CNTN3: variants seen among roughly 807,000 people sequenced by gnomAD.
CNTN3 encodes contactin-3.
CNTN3 carries 60 observed loss-of-function variants against 119.1 expected under a neutral mutation model. The ratio of observed to expected loss-of-function variants is 0.50; its 90% CI spans 0.41 to 0.62. CNTN3 has a LOEUF of 0.62. CNTN3 is among the 20% of genes least tolerant of loss of function. CNTN3 has a pLI of 0.00. For synonymous variants in CNTN3, 450 were observed against 438.7 expected (o/e 1.03, Z -0.32); for missense variants, 1,101 against 1,242.4 (o/e 0.89, Z 1.71).
At chr3:74,562,947 T>C (rs1049946566) in intron 1 of CNTN3, among the ~76,000 whole-genome samples, 2 of 152,190 alleles carry the variant, frequency 1.3e-5, no homozygotes, top group African/African-American at 4.8e-5. Context: ...TAGGCAGCCC[T>C]GGCATGCGAA....
intron 1 of CNTN3, among the ~76,000 whole-genome samples, chr3:74,568,737 T>C (rs958751369): frequency 6.6e-6 from 1 of 152,284 alleles, no homozygotes; most frequent in East Asian, 1.9e-4. Flanking sequence ...CAGTAATACA[T>C]AGGTGATAAA....
At chr3:74,310,214 A>C (rs1702649733) in intron 13 of CNTN3, among the ~76,000 whole-genome samples, 1 of 152,210 alleles carries the variant, frequency 6.6e-6, no homozygotes, top group South Asian at 2.1e-4. Flanking sequence ...GAGAAAAAAA[A>C]CATACTGATA....
At chr3:74,573,970 A>G (rs188097642) in intron 1 of CNTN3, among the ~76,000 whole-genome samples, 1 of 152,290 alleles carries the variant, frequency 6.6e-6, no homozygotes, top group East Asian at 1.9e-4. Flanking sequence ...AAAACTGAAA[A>G]TACATATTTA....
intron 1 of CNTN3, among the ~76,000 whole-genome samples, chr3:74,558,495 A>T (rs17012606): frequency 0.071 from 10,819 of 152,262 alleles, 415 homozygotes; most frequent in Admixed American, 0.094. Context: ...CTTGCTGAAT[A>T]CTTTTAAAGA....
intron 1 of CNTN3, among the ~76,000 whole-genome samples, chr3:74,548,640 C>T (rs1703947161): frequency 6.6e-6 from 1 of 152,012 alleles, no homozygotes; most frequent in African/African-American, 2.4e-5. Context: ...TGAAAACTGA[C>T]TTTAAGTGGA....
intron 2 of CNTN3, among the ~76,000 whole-genome samples, chr3:74,505,060 T>C (rs1473205763): frequency 1.3e-5 from 2 of 152,082 alleles, no homozygotes; most frequent in African/African-American, 2.4e-5. Flanking sequence ...TCTCTCTTCA[T>C]ATCATCTTCC....
intron 5 of CNTN3, among the ~76,000 whole-genome samples, chr3:74,423,607 A>T (rs1474861629): frequency 6.6e-6 from 1 of 152,210 alleles, no homozygotes; most frequent in East Asian, 1.9e-4. Flanking sequence ...GTGAGCCAGC[A>T]AACTCCCAAT....
chr3:74,299,733 G>A, intron 17 of CNTN3, 135 bp downstream of exon 17: 1 of 560,304 alleles, frequency 1.8e-6, no homozygotes, highest in Non-Finnish European at 3.1e-6. Context: ...ATTACCACCA[G>A]CAGCAGCAGC....
At chr3:74,504,790 G>A (rs1270859309) in intron 2 of CNTN3, among the ~76,000 whole-genome samples, 3 of 151,968 alleles carry the variant, frequency 2.0e-5, no homozygotes, top group South Asian at 2.1e-4. Flanking sequence ...TGTCATTCTC[G>A]GCTGGGAAGA....
intron 2 of CNTN3, among the ~76,000 whole-genome samples, chr3:74,519,087 A>G (rs1174394253): frequency 6.6e-6 from 1 of 151,908 alleles, no homozygotes; most frequent in Non-Finnish European, 1.5e-5. Context: ...ATATGGACAT[A>G]GGCCTCCACT....
intron 4 of CNTN3, among the ~76,000 whole-genome samples, chr3:74,470,181 G>A (rs1378468498): frequency 1.3e-5 from 2 of 152,054 alleles, no homozygotes; most frequent in African/African-American, 4.8e-5. Context: ...CTGGAGTGGG[G>A]GGTTTTGGGG....
At chr3:74,457,160 G>A (rs1461488712) in intron 4 of CNTN3, among the ~76,000 whole-genome samples, 1 of 151,810 alleles carries the variant, frequency 6.6e-6, no homozygotes, top group African/African-American at 2.4e-5. Flanking sequence ...AGAATCCTTT[G>A]ATAAACAAGA....
At chr3:74,505,989 T>C in intron 2 of CNTN3, among the ~76,000 whole-genome samples, 1 of 152,138 alleles carries the variant, frequency 6.6e-6, no homozygotes, top group Non-Finnish European at 1.5e-5. Flanking sequence ...TGGTTAAGCT[T>C]CACAGGACCT....
intron 2 of CNTN3, among the ~76,000 whole-genome samples, chr3:74,500,242 A>T (rs551874662): frequency 6.6e-6 from 1 of 152,048 alleles, no homozygotes; most frequent in East Asian, 1.9e-4. Context: ...AAAACACTCA[A>T]TATTTTGGTG....
intron 22 of CNTN3, 51 bp from the exon 23 acceptor site, chr3:74,264,552 T>G (rs369512895): frequency 8.1e-7 from 1 of 1,241,262 alleles, no homozygotes; most frequent in South Asian, 1.3e-5. Flanking sequence ...CAATATGTAA[T>G]CAGGGTGCTA....
At chr3:74,520,969 A>G in intron 2 of CNTN3, 89 bp downstream of exon 2, 1 of 618,340 alleles carries the variant, frequency 1.6e-6, no homozygotes, top group Non-Finnish European at 2.7e-6. Context: ...CTACTGGTGG[A>G]GTTTTATTTC....
chr3:74,555,871 A>G (rs1704061374), intron 1 of CNTN3, among the ~76,000 whole-genome samples: 2 of 152,138 alleles, frequency 1.3e-5, no homozygotes, highest in Non-Finnish European at 1.5e-5. Context: ...TCCTGGATTC[A>G]TTCATTTTTT....
intron 3 of CNTN3, among the ~76,000 whole-genome samples, chr3:74,499,182 G>A (rs1429156831): frequency 2.6e-5 from 4 of 151,610 alleles, no homozygotes; most frequent in Non-Finnish European, 5.9e-5. Flanking sequence ...AATGAAATAC[G>A]TTTTCTCTTC....
At chr3:74,279,011 G>C (rs1389600182) in intron 20 of CNTN3, among the ~76,000 whole-genome samples, 2 of 152,066 alleles carry the variant, frequency 1.3e-5, no homozygotes, top group Non-Finnish European at 2.9e-5. Context: ...ATGAAAAAAT[G>C]CTCAACACCA....
Sources: gnomAD v4.1 joint callset for allele counts (sites outside exome capture counted in the v4.1 genomes callset) on GRCh38, gnomAD v4.1.1 for gene constraint, MANE v1.5 for transcripts, NCBI Gene and HGNC (gene_info 2026-07-23, HGNC 2026-07-21) for gene names.